Variants in WDR26 observed in about 807,000 individuals in gnomAD.
The protein encoded by WDR26 is WD repeat-containing protein 26.
A neutral mutation model predicts 84.1 loss-of-function variants in WDR26; 5 were observed. The observed-to-expected ratio is 0.06, with a 90% confidence interval of 0.03 to 0.13. The LOEUF (loss-of-function observed/expected upper bound fraction) is 0.13, where lower values mean the gene tolerates loss of function less well. WDR26 is among the 10% of genes least tolerant of loss of function. The pLI, the probability that WDR26 is intolerant of heterozygous loss-of-function variation, is 1.00. For synonymous variants in WDR26, 415 were observed against 389.6 expected (o/e 1.07, Z -0.77); for missense variants, 642 against 974.9 (o/e 0.66, Z 4.55).
chr1:224,419,734 A>G (rs1043416633), intron 4 of WDR26, 119 bp from the exon 5 acceptor site: 3 of 714,536 alleles, frequency 4.2e-6, no homozygotes, highest in Non-Finnish European at 7.3e-6. Flanking sequence ...AGAAATTTCT[A>G]CAGTGGACTC....
chr1:224,390,198 C>T (rs1673086012), intron 13 of WDR26, among the ~76,000 whole-genome samples: 1 of 152,190 alleles, frequency 6.6e-6, no homozygotes, highest in Non-Finnish European at 1.5e-5. Context: ...GGGCTCACTG[C>T]AACCTCTGCC....
Position 224,386,815 on chromosome 1 carries a change from C to T in WDR26, c.*3020G>A, listed in dbSNP as rs1322543253. The T allele has an allele frequency of 6.6e-6, 1 of 152,100 alleles. No individual in the cohort carries two copies. 9.4% of individuals were successfully genotyped at this position (152,100 alleles called of 1,614,324 possible). A position where few individuals can be genotyped will look rare whatever the true frequency, so the allele number is the denominator to read the frequency against. ...AATACTTACCTGGTTTAATATAACA[C>T]ATTTATCTGGCCAATAAGAGCAACA... On this transcript the variant is annotated 3_prime_UTR_variant, in exon 14 of 14. Transcript: ENST00000414423.
At chr1:224,417,299 T>A (rs1673933437) in intron 6 of WDR26, among the ~76,000 whole-genome samples, 1 of 152,248 alleles carries the variant, frequency 6.6e-6, no homozygotes, top group Non-Finnish European at 1.5e-5. Flanking sequence ...ACTGAGCACA[T>A]GCATTGCAGC....
intron 13 of WDR26, among the ~76,000 whole-genome samples, chr1:224,390,453 G>A (rs10127813): frequency 0.29 from 43,754 of 152,170 alleles, 7,904 homozygotes; most frequent in African/African-American, 0.5. Context: ...TTAACCTTGA[G>A]ATAGTTAGCA....
At chr1:224,408,627 C>G (rs1277146091) in intron 7 of WDR26, among the ~76,000 whole-genome samples, 1 of 125,936 alleles carries the variant, frequency 7.9e-6, no homozygotes, top group Non-Finnish European at 1.6e-5. Context: ...CATTACTCAT[C>G]CCATTCTTTT....
At position 224,434,604 on chromosome 1, in the gene WDR26, G is replaced by A. The variant is rs1674553364; in HGVS notation, c.-199C>T. 3.8e-6 allele frequency: 2 copies of A among 519,924 alleles called. No individual in the cohort carries two copies. The highest frequency in any genetic ancestry group is 4.9e-6 in the Non-Finnish European group (2 of 408,418). The allele number at this position is 519,924 out of a possible 1,614,324, so 32.2% of individuals were successfully genotyped here. ...CCCTCCCGGAGGCAGCTCGGGGTGC[G>A]CGGCCCGGGGGTCGCGCCGGGGGGC... On this transcript the variant is annotated 5_prime_UTR_variant, in exon 1 of 14. Transcript: ENST00000414423.
rs1168459502 is a variant in WDR26, at chr1:224,389,221, CT to C, written c.*613del. The C allele has an allele frequency of 6.4e-6, 1 of 155,114 alleles. No individual in the cohort carries two copies. The highest frequency in any genetic ancestry group is 1.4e-5 in the Non-Finnish European group (1 of 69,934). The allele number at this position is 155,114 out of a possible 1,614,324, so 9.6% of individuals were successfully genotyped here. On this transcript the variant is annotated 3_prime_UTR_variant, in exon 14 of 14. Coordinates refer to ENST00000414423, the MANE Select transcript of WDR26 (RefSeq NM_001379403.1). ...AACAAGCTATGTGAAAAGTACAAAACTTTTTGTCAAATGTAATATTGAGAGT... is the reference window on the plus strand; with the variant it reads ...AACAAGCTATGTGAAAAGTACAAAACTTTTGTCAAATGTAATATTGAGAGT...
At position 224,394,020 on chromosome 1, in the gene WDR26, A is replaced by G; in HGVS notation, c.2075-7T>C. The G allele has an allele frequency of 6.9e-7, 1 of 1,445,818 alleles. No homozygotes were observed. Among genetic ancestry groups the G allele is most frequent in the Non-Finnish European group, 9.2e-7 (1 of 1,081,166 alleles). 89.6% of individuals were successfully genotyped at this position (1,445,818 alleles called of 1,614,324 possible). The stretch of plus-strand genomic sequence containing the variant: ...CAGATGTAAACCTTGTGATCTGAAC[A>G]TATAGTAATTCAGAAAAAAGTTTTA... On this transcript the variant is annotated splice_region_variant and splice_polypyrimidine_tract_variant and intron_variant, in intron 12 of 13. Coordinates refer to ENST00000414423, the MANE Select transcript of WDR26 (RefSeq NM_001379403.1).
In WDR26 at chr1:224,433,669, G is replaced by A. The variant is rs201122571; in HGVS notation, c.722+15C>T. On this transcript the variant is annotated intron_variant, in intron 1 of 13. Coordinates refer to ENST00000414423, the MANE Select transcript of WDR26 (RefSeq NM_001379403.1). ...TCGGTCTGTCCATCACCAGCTGGCG[G>A]TAAGGGATACTTACTTGAGCCCTAA... 3.9e-3 allele frequency: 5,599 copies of A among 1,426,254 alleles called. 20 individuals carry two copies. Among genetic ancestry groups the A allele is most frequent in the Non-Finnish European group, 4.7e-3 (5,128 of 1,083,194 alleles). 88.3% of individuals were successfully genotyped at this position (1,426,254 alleles called of 1,614,324 possible). A position where few individuals can be genotyped will look rare whatever the true frequency, so the allele number is the denominator to read the frequency against.
chr1:224,396,137 T>C (rs1186844794), intron 12 of WDR26, among the ~76,000 whole-genome samples: 2 of 152,216 alleles, frequency 1.3e-5, no homozygotes, highest in African/African-American at 4.8e-5. Flanking sequence ...ACTTGAGTCA[T>C]GAGAAGACTA....
chr1:224,402,991 G>A (rs1484756840), intron 8 of WDR26, among the ~76,000 whole-genome samples: 2 of 151,970 alleles, frequency 1.3e-5, no homozygotes, highest in South Asian at 2.1e-4. Flanking sequence ...AAGTATTTAG[G>A]GTAAGATATC....
chr1:224,411,085 A>T (rs1375804441), intron 7 of WDR26, among the ~76,000 whole-genome samples: 1 of 152,122 alleles, frequency 6.6e-6, no homozygotes, highest in Non-Finnish European at 1.5e-5. Flanking sequence ...TTTGAGTCAA[A>T]CTTTGTCACG....
intron 7 of WDR26, among the ~76,000 whole-genome samples, chr1:224,404,931 AC>A (rs1311359160): frequency 6.6e-6 from 1 of 152,236 alleles, no homozygotes; most frequent in East Asian, 1.9e-4. Flanking sequence ...ATATTTTTAA[AC>A]AACTTGAGAT....
chr1:224,396,546 A>C (rs143079037), intron 12 of WDR26, among the ~76,000 whole-genome samples: 2 of 152,388 alleles, frequency 1.3e-5, no homozygotes, highest in Admixed American at 1.3e-4. Context: ...TAGAGAATCT[A>C]GAAGTAGTGG....
intron 10 of WDR26, 143 bp downstream of exon 10, chr1:224,398,746 A>G: frequency 2.4e-6 from 3 of 1,224,556 alleles, no homozygotes; most frequent in Non-Finnish European, 3.4e-6. Context: ...TGAGTTACTG[A>G]TTACTAAGTA....
chr1:224,414,113 G>GT lies in WDR26; in HGVS notation c.1320-2549dup, dbSNP rs538928775. Reference sequence around the variant, plus strand: ...AGGCGTGAGCCACCACGCCCGGCCTGTTTTTTTTTTTGAGACTGAGTTTCG... The same window carrying GT: ...AGGCGTGAGCCACCACGCCCGGCCTGTTTTTTTTTTTTGAGACTGAGTTTCG... On this transcript the variant is annotated intron_variant, in intron 6 of 13. Coordinates refer to ENST00000414423, the MANE Select transcript of WDR26 (RefSeq NM_001379403.1). Among the ~76,000 whole-genome samples the GT allele has an allele frequency of 5.5e-3, 729 of 133,594 alleles. 8 individuals are homozygous for GT. The highest frequency in any genetic ancestry group is 0.022 in the South Asian group (91 of 4,152). 87.6% of individuals were successfully genotyped at this position (133,594 alleles called of 152,430 possible).
rs1385518054 is a variant in WDR26 at position 224,389,471 on chromosome 1, G to T, written c.*364C>A. The T allele has an allele frequency of 8.6e-6, 4 of 466,918 alleles. No individual in the cohort carries two copies. Among genetic ancestry groups the T allele is most frequent in the Non-Finnish European group, 1.5e-5 (4 of 269,402 alleles). The allele number at this position is 466,918 out of a possible 1,614,324, so 28.9% of individuals were successfully genotyped here. A position where few individuals can be genotyped will look rare whatever the true frequency, so the allele number is the denominator to read the frequency against. ...CTGTTAAATAAAGTTTTCCAAACAAGCATTTAAACTTCATTACACAGAAGA... is the reference window on the plus strand; with the variant it reads ...CTGTTAAATAAAGTTTTCCAAACAATCATTTAAACTTCATTACACAGAAGA... On this transcript the variant is annotated 3_prime_UTR_variant, in exon 14 of 14. Transcript: ENST00000414423.
chr1:224,410,984 G>T (rs1673722560), intron 7 of WDR26, among the ~76,000 whole-genome samples: 1 of 152,110 alleles, frequency 6.6e-6, no homozygotes, highest in Admixed American at 6.5e-5. Context: ...GAGCCACCGT[G>T]CCTGGCCTAA....
At position 224,398,906 on chromosome 1, in the gene WDR26, G is replaced by A. The variant is rs149309825; in HGVS notation, c.1848C>T (p.Asp616=). ...ATAGTTACATGTTCCTATCTGTAAG[G>A]TCCTCGAAGTTATAGCCCCGAATTC... is the stretch of plus-strand genomic sequence containing the variant. The change falls in exon 10 of 14, where the codon GAC becomes GAT. Residue 616 remains aspartate, a synonymous_variant. Transcript: ENST00000414423. 2 of 1,613,794 alleles carry A rather than the reference G, an allele frequency of 1.2e-6. No homozygotes were observed. The highest frequency in any genetic ancestry group is 4.5e-5 in the East Asian group (2 of 44,846).
Sources: allele counts gnomAD v4.1 joint callset (sites outside exome capture counted in the v4.1 genomes callset), GRCh38; gene constraint gnomAD v4.1.1; transcripts MANE v1.5; gene names NCBI Gene and HGNC (gene_info 2026-07-23, HGNC 2026-07-21).